ERCC6: variants seen among roughly 807,000 people sequenced by gnomAD.
The protein encoded by ERCC6 is ERCC excision repair 6, chromatin remodeling factor, also known as DNA excision repair protein ERCC-6.
Under a neutral mutation model 158.7 loss-of-function variants are expected in ERCC6, and 116 were observed. That is an observed-to-expected ratio of 0.73 (90% CI 0.63 to 0.85). The LOEUF (loss-of-function observed/expected upper bound fraction) is 0.85, where lower values mean the gene tolerates loss of function less well. Ranked by LOEUF, ERCC6 falls within the 40% of genes least tolerant of loss-of-function variation. The probability of loss-of-function intolerance (pLI) is 0.00; values close to 1 mark genes in which losing one functional copy is unlikely to be tolerated. For synonymous variants in ERCC6, 678 were observed against 659.3 expected (o/e 1.03, Z -0.43); for missense variants, 1,698 against 1,799.4 (o/e 0.94, Z 1.02).
At chr10:49,436,245 G>A in the ERCC6 span, among the ~76,000 whole-genome samples, 1 of 151,862 alleles carries the variant, frequency 6.6e-6, no homozygotes, top group Non-Finnish European at 1.5e-5. Flanking sequence ...AATTTCACTA[G>A]GAAATATAAG....
intron 8 of ERCC6, among the ~76,000 whole-genome samples, chr10:49,484,153 C>T (rs995921772): frequency 7.9e-5 from 12 of 151,686 alleles, no homozygotes; most frequent in Admixed American, 7.9e-4. Flanking sequence ...TGGTGCCAAG[C>T]ACCTGTAGTC....
At chr10:49,539,505 G>C (rs1246631611), upstream of ERCC6, 1 of 152,352 alleles carries the variant, frequency 6.6e-6, no homozygotes, top group Non-Finnish European at 1.5e-5. Context: ...GAGCTGTCCT[G>C]CTTCTCTGTT....
downstream of ERCC6, among the ~76,000 whole-genome samples, chr10:49,451,078 T>C (rs941621750): frequency 6.6e-6 from 1 of 152,104 alleles, no homozygotes; most frequent in African/African-American, 2.4e-5. Context: ...CCCAAAGTGC[T>C]GGGATTACAG....
chr10:49,486,783 T>C (rs1456702571), intron 8 of ERCC6, among the ~76,000 whole-genome samples: 1 of 152,236 alleles, frequency 6.6e-6, no homozygotes, highest in Non-Finnish European at 1.5e-5. Flanking sequence ...AAAGGGGTTT[T>C]ATGAGTAAAG....
chr10:49,478,786 C>A (rs1850924372), intron 10 of ERCC6, among the ~76,000 whole-genome samples: 1 of 152,142 alleles, frequency 6.6e-6, no homozygotes, highest in African/African-American at 2.4e-5. Context: ...TACAGTTAAA[C>A]CCTAAAGTAG....
Position 49,482,844 on chromosome 10 carries a change from A to T in ERCC6, c.2012T>A (p.Ile671Asn). Residue 671 changes from isoleucine to asparagine, a missense_variant, in exon 10 of 21, where the codon ATC (isoleucine) becomes AAC (asparagine). Coordinates refer to ENST00000355832, the MANE Select transcript of ERCC6 (RefSeq NM_000124.4). Reference protein sequence around the residue: ...ACKQFRTPHRIILSGSPMQNN... With the variant: ...ACKQFRTPHRNILSGSPMQNN... ...TTGCATCGGTGAGCCAGACAGAATG[A>T]TCCGATGAGGGGTGCGAAACTATTT... The T allele has an allele frequency of 6.2e-7, 1 of 1,614,132 alleles. No individual in the cohort carries two copies. Among genetic ancestry groups the T allele is most frequent in the Non-Finnish European group, 8.5e-7 (1 of 1,180,010 alleles).
chr10:49,472,933 G>A lies in ERCC6; in HGVS notation c.2805C>T (p.Asp935=), dbSNP rs1158415470. Residue 935 remains aspartate (D), a synonymous_variant, in exon 15 of 21, where the codon GAC becomes GAT. Transcript: ENST00000355832. ...CCTGCGTGTCCGTGCTTGGGTTCCA[G>A]TCTGGGTCATAGATGACAACTCTGT... ...GANRVVIYDP[D]WNPSTDTQAR... 1 of 1,613,984 alleles carries A rather than the reference G, an allele frequency of 6.2e-7. No individual in the cohort carries two copies. Among genetic ancestry groups the A allele is most frequent in the South Asian group, 1.1e-5 (1 of 91,080 alleles).
chr10:49,483,322 C>T (rs370923028), intron 9 of ERCC6, 24 bp downstream of exon 9: 6 of 1,612,434 alleles, frequency 3.7e-6, no homozygotes, highest in Non-Finnish European at 5.1e-6. Flanking sequence ...ACTTGGAAAT[C>T]TCCCTTGTTA....
chr10:49,476,118 C>G, intron 12 of ERCC6, 97 bp downstream of exon 12: 1 of 856,526 alleles, frequency 1.2e-6, no homozygotes, highest in Non-Finnish European at 2.0e-6. Context: ...GATGACAGTA[C>G]GTGAAAAGCC....
chr10:49,522,515 AAAT>A lies in ERCC6; in HGVS notation c.1397+1515_1397+1517del, dbSNP rs1185724415. Among the ~76,000 whole-genome samples, 10 of 152,362 alleles carry A rather than the reference AAAT, an allele frequency of 6.6e-5. No homozygotes were observed. In the South Asian group the frequency reaches 1.9e-3, roughly 28 times the overall value. On this transcript the variant is annotated intron_variant, in intron 5 of 20. Transcript: ENST00000355832. The stretch of plus-strand genomic sequence containing the variant: ...AGCTTTAGCAAAATATTGGCTCTGG[AAAT>A]AATAAATTGTTTTACAATCTTAACA...
rs890233732 is a variant in ERCC6 at position 49,476,734 on chromosome 10, T to C, written c.2287-424A>G. 1.8e-4 allele frequency among the ~76,000 whole-genome samples: 28 copies of C among 152,070 alleles called. No individual in the cohort carries two copies. In the South Asian group the frequency reaches 5.8e-3, roughly 32 times the overall value. On this transcript the variant is annotated intron_variant, in intron 11 of 20. Coordinates refer to ENST00000355832, the MANE Select transcript of ERCC6 (RefSeq NM_000124.4). The stretch of plus-strand genomic sequence containing the variant: ...GGAGCTCTAAGTGCAGGCCCATGAG[T>C]TACCAGACTTGCCTTGGACGGCAAC...
chr10:49,532,556 G>C lies in ERCC6; in HGVS notation c.409C>G (p.Leu137Val), dbSNP rs116698997. ...GGCTGCACTCACGTGAGGTCATCCA[G>C]GACCGACCGATACTCCTTCTCCACG... ...VDVEKEYRSV[L>V]DDLTSCTTSL... is the part of the protein sequence containing the mutation. Residue 137 changes from leucine to valine, a missense_variant, in exon 2 of 21, where the codon CTG becomes GTG. Leu to Val is a conservative substitution (Grantham distance 32). Coordinates refer to ENST00000355832, the MANE Select transcript of ERCC6 (RefSeq NM_000124.4). 26 of 1,614,074 alleles carry C rather than the reference G, an allele frequency of 1.6e-5. No homozygotes were observed. The highest frequency in any genetic ancestry group is 2.1e-5 in the Non-Finnish European group (25 of 1,180,046).
intron 8 of ERCC6, among the ~76,000 whole-genome samples, chr10:49,490,714 C>T (rs1345275338): frequency 6.6e-6 from 1 of 152,192 alleles, no homozygotes; most frequent in Non-Finnish European, 1.5e-5. Flanking sequence ...AGATAATCTA[C>T]TTGAACGATA....
intron 7 of ERCC6, among the ~76,000 whole-genome samples, chr10:49,497,525 T>A (rs946296069): frequency 5.3e-5 from 8 of 152,256 alleles, no homozygotes; most frequent in Non-Finnish European, 7.3e-5. Flanking sequence ...TCTGGCATTA[T>A]CAAGATGCCC....
intron 7 of ERCC6, among the ~76,000 whole-genome samples, chr10:49,497,685 T>A (rs1418576534): frequency 6.6e-6 from 1 of 152,206 alleles, no homozygotes; most frequent in Non-Finnish European, 1.5e-5. Context: ...CACCCTTTCC[T>A]AACTCTTAAT....
chr10:49,479,684 T>C (rs1850942483), intron 10 of ERCC6, among the ~76,000 whole-genome samples: 1 of 152,078 alleles, frequency 6.6e-6, no homozygotes, highest in African/African-American at 2.4e-5. Context: ...CCCCACATCC[T>C]CCCTCCACCC....
At chr10:49,505,654 T>C (rs1851430309) in intron 6 of ERCC6, 2 of 554,108 alleles carry the variant, frequency 3.6e-6, no homozygotes, top group Non-Finnish European at 6.4e-6. Flanking sequence ...CAGGTCCATA[T>C]AGATTCATCA....
the ERCC6 span, among the ~76,000 whole-genome samples, chr10:49,441,075 A>G: frequency 6.6e-6 from 1 of 152,268 alleles, no homozygotes; most frequent in Non-Finnish European, 1.5e-5. Flanking sequence ...AGGCTGGCTG[A>G]TGTTTAAGAA....
At position 49,523,839 on chromosome 10, in the gene ERCC6, G is replaced by A. The variant is rs4253049; in HGVS notation, c.1397+194C>T. Among the ~76,000 whole-genome samples the A allele has an allele frequency of 0.19, 28,454 of 151,664 alleles. 3,123 individuals carry two copies. The highest frequency in any genetic ancestry group is 0.35 in the South Asian group (1,654 of 4,792). On this transcript the variant is annotated intron_variant, in intron 5 of 20. Coordinates refer to ENST00000355832, the MANE Select transcript of ERCC6 (RefSeq NM_000124.4). Reference sequence around the variant, plus strand: ...TCCAACTAAAGACCTAGAAGTACATGCATTTGGGGCCAGCATCATTAAGGA... The same window carrying A: ...TCCAACTAAAGACCTAGAAGTACATACATTTGGGGCCAGCATCATTAAGGA...
Sources: allele counts gnomAD v4.1 joint callset (sites outside exome capture counted in the v4.1 genomes callset), GRCh38; gene constraint gnomAD v4.1.1; transcripts MANE v1.5; gene names NCBI Gene and HGNC (gene_info 2026-07-23, HGNC 2026-07-21).